The following UBE2G1 variants were observed in gnomAD, a reference collection of about 807,000 sequenced individuals.
UBE2G1 encodes ubiquitin conjugating enzyme E2 G1, also known as ubiquitin-conjugating enzyme E2 G1.
Under a neutral mutation model 22.7 loss-of-function variants are expected in UBE2G1, and 5 were observed. That is an observed-to-expected ratio of 0.22 (90% confidence interval 0.12 to 0.46). The LOEUF (loss-of-function observed/expected upper bound fraction) is 0.46. Ranked by LOEUF, UBE2G1 falls within the 20% of genes least tolerant of loss-of-function variation. The probability of loss-of-function intolerance (pLI) is 0.99; values close to 1 mark genes in which losing one functional copy is unlikely to be tolerated. For missense variants in UBE2G1, 88 were observed against 203.9 expected, an observed-to-expected ratio of 0.43 and a Z score of 3.46; for synonymous variants, 74 against 67.5, an observed-to-expected ratio of 1.10 and a Z score of -0.47.
In UBE2G1 at chr17:4,302,248, A is replaced by T. The variant is rs549256309; in HGVS notation, c.149+4773T>A. 265 of 470,206 alleles carry T rather than the reference A, an allele frequency of 5.6e-4. 1 individual carries two copies. The highest frequency in any genetic ancestry group is 1.0e-3 in the Non-Finnish European group (233 of 231,350). 29.1% of individuals were successfully genotyped at this position (470,206 alleles called of 1,614,324 possible). ...GTTGTATATGTCGTTATCAGCTCCCACACCCCAGTATTTGGGCTCCCAGTG... is the reference window on the plus strand; with the variant it reads ...GTTGTATATGTCGTTATCAGCTCCCTCACCCCAGTATTTGGGCTCCCAGTG... On this transcript the variant is annotated intron_variant, in intron 2 of 5. Coordinates refer to ENST00000396981, the MANE Select transcript of UBE2G1 (RefSeq NM_003342.5).
chr17:4,279,835 A>G (rs1329899895), intron 5 of UBE2G1, among the ~76,000 whole-genome samples: 8 of 131,648 alleles, frequency 6.1e-5, no homozygotes, highest in Admixed American at 1.6e-4. Flanking sequence ...ATATATATGA[A>G]CCTCAGTTTG....
chr17:4,342,224 G>A (rs983984637), intron 1 of UBE2G1, among the ~76,000 whole-genome samples: 6 of 152,156 alleles, frequency 3.9e-5, no homozygotes, highest in African/African-American at 9.7e-5. Context: ...CTTGTCCTGC[G>A]TCTTTCTTTT....
intron 1 of UBE2G1, among the ~76,000 whole-genome samples, chr17:4,315,832 A>T (rs2143750253): frequency 7.8e-6 from 1 of 128,162 alleles, no homozygotes; most frequent in Admixed American, 8.2e-5. Flanking sequence ...CCTGAGACGG[A>T]GTCTCGCTCT....
chr17:4,303,768 G>A (rs1208277902), intron 2 of UBE2G1, among the ~76,000 whole-genome samples: 2 of 152,180 alleles, frequency 1.3e-5, no homozygotes, highest in African/African-American at 2.4e-5. Flanking sequence ...GTAATTCAGA[G>A]TTTTGGTTAA....
At chr17:4,275,783 C>CA (rs1310257095) in intron 5 of UBE2G1, among the ~76,000 whole-genome samples, 3 of 152,104 alleles carry the variant, frequency 2.0e-5, no homozygotes, top group African/African-American at 4.8e-5. Flanking sequence ...TTACCCTTCA[C>CA]AAAAAAATGC....
rs1002292659 is a variant in UBE2G1 at position 4,270,001 on chromosome 17, A to T, written c.*2553T>A. On this transcript the variant is annotated 3_prime_UTR_variant, in exon 6 of 6. Coordinates refer to ENST00000396981, the MANE Select transcript of UBE2G1 (RefSeq NM_003342.5). ...ATGAACACTGAGAAAGGCACAGATG[A>T]CATCTCCGACAGAGGAAGGGAAGTT... 1 of 152,618 alleles carries T rather than the reference A, an allele frequency of 6.6e-6. No individual in the cohort carries two copies. The highest frequency in any genetic ancestry group is 2.4e-5 in the African/African-American group (1 of 41,450). The allele number at this position is 152,618 out of a possible 1,614,324, so 9.5% of individuals were successfully genotyped here. A position where few individuals can be genotyped will look rare whatever the true frequency, so the allele number is the denominator to read the frequency against.
chr17:4,308,985 G>A (rs1403048107), intron 1 of UBE2G1, among the ~76,000 whole-genome samples: 4 of 152,208 alleles, frequency 2.6e-5, no homozygotes, highest in African/African-American at 7.2e-5. Context: ...TAGGCAGGGC[G>A]TGGTGGCTCA....
intron 5 of UBE2G1, among the ~76,000 whole-genome samples, chr17:4,279,785 T>TTATATATATATATATATA (rs71144177): frequency 1.2e-4 from 8 of 68,890 alleles, no homozygotes; most frequent in South Asian, 5.9e-4. Flanking sequence ...CAAAAAAAAG[T>TTATATATATATATATATA]TATATATATA....
intron 1 of UBE2G1, 47 bp downstream of exon 1, chr17:4,366,224 G>T (rs893804982): frequency 3.3e-6 from 5 of 1,505,058 alleles, no homozygotes; most frequent in Non-Finnish European, 4.4e-6. Flanking sequence ...GGCTGCGGCT[G>T]TCCGCGATCG....
At chr17:4,295,532 TTAAAC>T (rs1174741089) in intron 3 of UBE2G1, among the ~76,000 whole-genome samples, 35 of 152,242 alleles carry the variant, frequency 2.3e-4, no homozygotes, top group African/African-American at 8.0e-4. Context: ...TGATTCCAGC[TTAAAC>T]TAATCTATAT....
At chr17:4,284,838 C>CTTTTTTTTTT (rs1176508350) in intron 4 of UBE2G1, among the ~76,000 whole-genome samples, 2 of 22,316 alleles carry the variant, frequency 9.0e-5, no homozygotes, top group African/African-American at 1.9e-4. Context: ...TCTTTTCTTT[C>CTTTTTTTTTT]TTTTTTTTTT....
chr17:4,365,449 A>AG (rs1383028338), intron 1 of UBE2G1, among the ~76,000 whole-genome samples: 2 of 152,062 alleles, frequency 1.3e-5, no homozygotes, highest in Non-Finnish European at 2.9e-5. Flanking sequence ...ACAATGGGGG[A>AG]GGGGGGCCGC....
intron 1 of UBE2G1, among the ~76,000 whole-genome samples, chr17:4,319,622 C>A (rs2143757247): frequency 6.6e-6 from 1 of 152,114 alleles, no homozygotes; most frequent in African/African-American, 2.4e-5. Context: ...GTGGTGCCAG[C>A]CACTCAGGAG....
chr17:4,347,446 C>A (rs1597264147), intron 1 of UBE2G1, among the ~76,000 whole-genome samples: 1 of 140,670 alleles, frequency 7.1e-6, no homozygotes, highest in South Asian at 2.3e-4. Flanking sequence ...TGTCATATTT[C>A]GGTAATTCTC....
chr17:4,354,444 A>G (rs1206831269), intron 1 of UBE2G1, among the ~76,000 whole-genome samples: 2 of 152,108 alleles, frequency 1.3e-5, no homozygotes, highest in Non-Finnish European at 2.9e-5. Context: ...TTACATACCA[A>G]ATTATGCATG....
intron 1 of UBE2G1, among the ~76,000 whole-genome samples, chr17:4,358,003 G>GA (rs1000321494): frequency 2.0e-4 from 29 of 142,644 alleles, no homozygotes; most frequent in Admixed American, 9.1e-4. Context: ...TCTTAAAAAA[G>GA]AAAAAAAAAA....
At chr17:4,285,275 C>T (rs1225741738) in intron 4 of UBE2G1, among the ~76,000 whole-genome samples, 1 of 151,694 alleles carries the variant, frequency 6.6e-6, no homozygotes, top group Admixed American at 6.6e-5. Flanking sequence ...AGAAAAGAAC[C>T]TAAGTACAAT....
At chr17:4,296,583 G>A in intron 3 of UBE2G1, 134 bp downstream of exon 3, 1 of 884,484 alleles carries the variant, frequency 1.1e-6, no homozygotes, top group Non-Finnish European at 1.9e-6. Context: ...TTAGTACACA[G>A]CCATGTGCAC....
At chr17:4,327,039 T>G (rs1969510592) in intron 1 of UBE2G1, among the ~76,000 whole-genome samples, 1 of 152,098 alleles carries the variant, frequency 6.6e-6, no homozygotes, top group Non-Finnish European at 1.5e-5. Flanking sequence ...CTCACGCCTG[T>G]AATCCCAGTA....
Sources: allele counts gnomAD v4.1 joint callset (sites outside exome capture counted in the v4.1 genomes callset), GRCh38; gene constraint gnomAD v4.1.1; transcripts MANE v1.5; gene names NCBI Gene and HGNC (gene_info 2026-07-23, HGNC 2026-07-21).